TJP1: variants seen among roughly 807,000 people sequenced by gnomAD.
TJP1 encodes tight junction protein 1.
In TJP1, 43 loss-of-function variants were observed where a neutral mutation model predicts 194.2. The ratio of observed to expected loss-of-function variants is 0.22; its 90% confidence interval spans 0.17 to 0.29. The LOEUF (loss-of-function observed/expected upper bound fraction) is 0.29, where lower values mean the gene tolerates loss of function less well. Ranked by LOEUF, TJP1 falls within the 10% of genes least tolerant of loss-of-function variation. TJP1 has a pLI of 1.00. For missense variants in TJP1, 1,971 were observed against 2,185.7 expected (o/e 0.90, Z 1.96); for synonymous variants, 801 against 779.0 (o/e 1.03, Z -0.47).
In TJP1 at chr15:29,720,124, A is replaced by G. The variant is rs77517011; in HGVS notation, c.2764-108T>C. 1.9e-4 allele frequency: 275 copies of G among 1,420,950 alleles called. 3 individuals are homozygous for G. The East Asian group carries it at 6.3e-3, about 32-fold the overall frequency. The allele number at this position is 1,420,950 out of a possible 1,614,324, so 88.0% of individuals were successfully genotyped here. A position where few individuals can be genotyped will look rare whatever the true frequency, so the allele number is the denominator to read the frequency against. On this transcript the variant is annotated intron_variant, in intron 19 of 27. Coordinates refer to ENST00000614355, the MANE Select transcript of TJP1 (RefSeq NM_001330239.4). ...ATACATTTTAAGTGTGCTGAATAAC[A>G]AAATTATGACCTCATGTCCTAAACT...
At chr15:29,931,728 T>G (rs889155302) in intron 2 of TJP1, among the ~76,000 whole-genome samples, 1 of 152,148 alleles carries the variant, frequency 6.6e-6, no homozygotes, top group Non-Finnish European at 1.5e-5. Context: ...GGTTCTTGGA[T>G]CTCACACAAG....
At chr15:29,748,951 TGTGCGC>T (rs1222111996) in intron 8 of TJP1, among the ~76,000 whole-genome samples, 2,987 of 36,028 alleles carry the variant, frequency 0.083, 60 homozygotes, top group African/African-American at 0.14. Flanking sequence ...TGTGTGTGTG[TGTGCGC>T]GTGTGTGCGC....
intron 1 of TJP1, among the ~76,000 whole-genome samples, chr15:29,958,994 T>TTTG (rs1567236587): frequency 3.3e-5 from 5 of 151,806 alleles, no homozygotes; most frequent in African/African-American, 1.2e-4. Flanking sequence ...AGTTTTTTTT[T>TTTG]TTTGTTTTTT....
chr15:29,744,341 T>C (rs2044623434), intron 8 of TJP1, among the ~76,000 whole-genome samples: 1 of 152,188 alleles, frequency 6.6e-6, no homozygotes, highest in African/African-American at 2.4e-5. Context: ...AACTAGGTCA[T>C]ACACTATAAT....
chr15:29,931,776 T>C (rs562285013), intron 2 of TJP1, among the ~76,000 whole-genome samples: 19 of 152,264 alleles, frequency 1.2e-4, no homozygotes, highest in African/African-American at 4.6e-4. Flanking sequence ...AAAACAAGTT[T>C]ATTAGGAAAG....
chr15:29,751,104 T>C (rs2045246567), intron 8 of TJP1, among the ~76,000 whole-genome samples: 1 of 152,178 alleles, frequency 6.6e-6, no homozygotes, highest in Non-Finnish European at 1.5e-5. Flanking sequence ...AAGTTCCCCC[T>C]TCACAACGAT....
Position 29,701,398 on chromosome 15 carries a change from A to T in TJP1, c.*197T>A, listed in dbSNP as rs1595529691. 2.2e-6 allele frequency: 1 copy of T among 459,900 alleles called. No homozygotes were observed. Among genetic ancestry groups the T allele is most frequent in the South Asian group, 5.8e-5 (1 of 17,230 alleles). The allele number at this position is 459,900 out of a possible 1,614,324, so 28.5% of individuals were successfully genotyped here. On this transcript the variant is annotated 3_prime_UTR_variant, in exon 28 of 28. Transcript: ENST00000614355. ...GCCAATACCAACAGTCCCGTCAATC[A>T]CAAACATGCAGTGTGTAGCATGTTT...
At chr15:29,741,457 T>C in intron 9 of TJP1, 21 bp from the exon 10 acceptor site, 1 of 1,516,666 alleles carries the variant, frequency 6.6e-7, no homozygotes, top group South Asian at 1.2e-5. Flanking sequence ...AAAAATTGAG[T>C]AGGACTCACT....
chr15:29,796,442 CAT>C (rs2048417821), intron 2 of TJP1, among the ~76,000 whole-genome samples: 1 of 143,450 alleles, frequency 7.0e-6, no homozygotes, highest in Non-Finnish European at 1.5e-5. Context: ...CGCCAAGAAA[CAT>C]GAGATATTTA....
Position 29,789,194 on chromosome 15 carries a change from T to C in TJP1, c.84+11452A>G, listed in dbSNP as rs536978487. Among the ~76,000 whole-genome samples, 10 of 152,338 alleles carry C rather than the reference T, an allele frequency of 6.6e-5. No homozygotes were observed. The South Asian group carries it at 1.5e-3, about 22-fold the overall frequency. Reference sequence around the variant, plus strand: ...TATGTGGTTTATATTATACTGCTACTGGGCGGTGCTGTTGTAGACCTCCCA... The same window carrying C: ...TATGTGGTTTATATTATACTGCTACCGGGCGGTGCTGTTGTAGACCTCCCA... On this transcript the variant is annotated intron_variant, in intron 2 of 27. Coordinates refer to ENST00000614355, the MANE Select transcript of TJP1 (RefSeq NM_001330239.4).
At chr15:29,785,905 C>T (rs906086222) in intron 2 of TJP1, among the ~76,000 whole-genome samples, 1 of 152,158 alleles carries the variant, frequency 6.6e-6, no homozygotes, top group Non-Finnish European at 1.5e-5. Context: ...ATACTACTTG[C>T]CAATCATGAC....
At chr15:29,933,806 G>A (rs1209801916) in intron 2 of TJP1, among the ~76,000 whole-genome samples, 2 of 152,156 alleles carry the variant, frequency 1.3e-5, no homozygotes, top group South Asian at 2.1e-4. Context: ...TGAAAGCAGA[G>A]GGAGAGGATG....
chr15:29,751,705 G>C (rs1375266156), intron 8 of TJP1, among the ~76,000 whole-genome samples: 1 of 152,084 alleles, frequency 6.6e-6, no homozygotes, highest in Non-Finnish European at 1.5e-5. Flanking sequence ...AGATTTTATA[G>C]TGGGAGACCA....
At chr15:29,957,356 A>G (rs1337107789) in intron 1 of TJP1, among the ~76,000 whole-genome samples, 2 of 152,194 alleles carry the variant, frequency 1.3e-5, no homozygotes, top group Non-Finnish European at 2.9e-5. Flanking sequence ...AGATATAAAA[A>G]TGGAAAGTAA....
At chr15:29,967,386 C>T (rs7176199) in intron 1 of TJP1, among the ~76,000 whole-genome samples, 145,070 of 151,788 alleles carry the variant, frequency 0.96, 69,434 homozygotes, top group East Asian at 1. Context: ...AAAAACCAAA[C>T]TGGTGGGGGC....
At chr15:29,949,368 T>C (rs1216712838) in intron 2 of TJP1, among the ~76,000 whole-genome samples, 95 of 26,838 alleles carry the variant, frequency 3.5e-3, no homozygotes, top group East Asian at 5.8e-3. Context: ...ACCACAACCA[T>C]CTTCACCACT....
At chr15:29,964,833 G>A (rs4779687) in intron 1 of TJP1, among the ~76,000 whole-genome samples, 30,324 of 152,096 alleles carry the variant, frequency 0.2, 3,424 homozygotes, top group East Asian at 0.39. Context: ...AAACGCCCCT[G>A]CTTTCTAAAT....
At chr15:29,713,250 T>C (rs1157482407) in intron 23 of TJP1, among the ~76,000 whole-genome samples, 1 of 152,230 alleles carries the variant, frequency 6.6e-6, no homozygotes, top group East Asian at 1.9e-4. Context: ...TGACTCAATC[T>C]CTGGACTGAG....
intron 2 of TJP1, among the ~76,000 whole-genome samples, chr15:29,941,169 G>A (rs1003303147): frequency 6.6e-6 from 1 of 152,172 alleles, no homozygotes; most frequent in African/African-American, 2.4e-5. Context: ...ACCGCAGGCA[G>A]GCCCACGCTG....
Sources: gnomAD v4.1 joint callset for allele counts (sites outside exome capture counted in the v4.1 genomes callset) on GRCh38, gnomAD v4.1.1 for gene constraint, MANE v1.5 for transcripts, NCBI Gene and HGNC (gene_info 2026-07-23, HGNC 2026-07-21) for gene names.